Variants in DAB1 observed in about 807,000 individuals in gnomAD.
DAB1 encodes DAB adaptor protein 1.
Under a neutral mutation model 64.6 loss-of-function variants are expected in DAB1, and 15 were observed. The observed-to-expected ratio is 0.23, with a 90% confidence interval of 0.16 to 0.36. DAB1 has a LOEUF of 0.36. Among genes scored for constraint, DAB1 ranks in the 10% least tolerant of loss-of-function variants. DAB1 has a pLI of 1.00. For missense variants in DAB1, 596 were observed against 706.7 expected (o/e 0.84, Z 1.78); for synonymous variants, 235 against 251.9 (o/e 0.93, Z 0.64).
At chr1:57,689,366 G>C (rs1646736947) in intron 6 of DAB1, among the ~76,000 whole-genome samples, 1 of 152,182 alleles carries the variant, frequency 6.6e-6, no homozygotes, top group African/African-American at 2.4e-5. Flanking sequence ...TGGTAGTGAA[G>C]GTGATAATGG....
chr1:58,485,402 T>A (rs1002049917), intron 3 of DAB1, among the ~76,000 whole-genome samples: 1 of 151,996 alleles, frequency 6.6e-6, no homozygotes, highest in Non-Finnish European at 1.5e-5. Flanking sequence ...TTTGGAGATG[T>A]CTGAGCTAGG....
chr1:57,032,516 T>C (rs1646996278), intron 9 of DAB1, among the ~76,000 whole-genome samples: 1 of 152,120 alleles, frequency 6.6e-6, no homozygotes. Context: ...AGGCTTTCTG[T>C]TTTGCTTCCT....
intron 4 of DAB1, among the ~76,000 whole-genome samples, chr1:58,184,054 C>G (rs1422125987): frequency 1.3e-5 from 2 of 151,800 alleles, no homozygotes; most frequent in African/African-American, 4.8e-5. Context: ...TAACTTTCAG[C>G]TTGCCCAGCC....
chr1:57,737,488 T>A (rs890053735), intron 6 of DAB1, among the ~76,000 whole-genome samples: 2 of 152,222 alleles, frequency 1.3e-5, no homozygotes, highest in Non-Finnish European at 2.9e-5. Flanking sequence ...GGTAAAGGTA[T>A]CTACCCATAG....
At chr1:58,359,319 C>G (rs1225694110) in intron 3 of DAB1, among the ~76,000 whole-genome samples, 2 of 152,112 alleles carry the variant, frequency 1.3e-5, no homozygotes, top group African/African-American at 4.8e-5. Flanking sequence ...AATGAAAGAG[C>G]CAGGACATAA....
intron 2 of DAB1, among the ~76,000 whole-genome samples, chr1:57,270,537 C>T (rs896479720): frequency 1.3e-5 from 2 of 152,196 alleles, no homozygotes; most frequent in East Asian, 1.9e-4. Flanking sequence ...AGAAGTAAAT[C>T]GCCCATATTC....
At chr1:58,171,449 C>T (rs898018461) in intron 4 of DAB1, among the ~76,000 whole-genome samples, 26 of 152,210 alleles carry the variant, frequency 1.7e-4, no homozygotes, top group African/African-American at 9.6e-5. Flanking sequence ...TCAGTGGAGG[C>T]TAGTGCAAGA....
intron 7 of DAB1, among the ~76,000 whole-genome samples, chr1:57,431,146 A>C (rs576800504): frequency 1.8e-4 from 27 of 150,812 alleles, no homozygotes; most frequent in Admixed American, 3.3e-4. Flanking sequence ...CCAAAAACAA[A>C]AAAAAAAAAA....
Position 57,783,106 on chromosome 1 carries a change from C to CTTTTT in DAB1, n.551+100888_551+100892dup, listed in dbSNP as rs58761251. On this transcript the variant is annotated intron_variant and non_coding_transcript_variant, in intron 6 of 20. Coordinates refer to the DAB1 transcript ENST00000485760. ...TTCTTTCTCTCTCTCTCTCTCTTTT[C>CTTTTT]TTTTTTTTTTTTTTTTTTACAGGGT... Among the ~76,000 whole-genome samples, 6 of 99,890 alleles carry CTTTTT rather than the reference C, an allele frequency of 6.0e-5. 1 individual carries two copies. Among genetic ancestry groups the CTTTTT allele is most frequent in the South Asian group, 8.4e-4 (2 of 2,368 alleles). The allele number at this position is 99,890 out of a possible 152,430, so 65.5% of individuals were successfully genotyped here.
chr1:58,309,009 ATAAT>A (rs1358731628), intron 4 of DAB1, among the ~76,000 whole-genome samples: 7 of 152,346 alleles, frequency 4.6e-5, no homozygotes, highest in Admixed American at 4.6e-4. Context: ...GAGTGAATGA[ATAAT>A]TATGCAATAT....
rs1684819865 is a variant in DAB1 at position 57,420,591 on chromosome 1, C to G, written c.-137+3339G>C. Among the ~76,000 whole-genome samples, 5 of 152,340 alleles carry G rather than the reference C, an allele frequency of 3.3e-5. 1 individual carries two copies. The South Asian group carries it at 1.0e-3, about 32-fold the overall frequency. ...AAAGTCAGAAGTAGCTGGATTCAAT[C>G]CTGGTCTTCCAATTCCAAATGCCAT... On this transcript the variant is annotated intron_variant, in intron 1 of 14. Coordinates refer to ENST00000371236, the MANE Select transcript of DAB1 (RefSeq NM_001365792.1).
At chr1:58,139,696 C>T (rs1398653517) in intron 5 of DAB1, among the ~76,000 whole-genome samples, 7 of 152,136 alleles carry the variant, frequency 4.6e-5, no homozygotes, top group East Asian at 1.9e-4. Context: ...AAGTCTGATA[C>T]GAAGTCTGTG....
intron 5 of DAB1, among the ~76,000 whole-genome samples, chr1:57,937,274 C>T (rs916376789): frequency 6.6e-6 from 1 of 152,012 alleles, no homozygotes; most frequent in Admixed American, 6.6e-5. Context: ...GCTGGGGATG[C>T]AGGGTGAAGA....
intron 3 of DAB1, among the ~76,000 whole-genome samples, chr1:58,403,737 C>T (rs974401023): frequency 6.6e-6 from 1 of 152,192 alleles, no homozygotes; most frequent in East Asian, 1.9e-4. Context: ...TGGCTCTTGA[C>T]AGCTTCCCGA....
At chr1:58,349,619 C>T (rs1421567985) in intron 3 of DAB1, among the ~76,000 whole-genome samples, 1 of 152,048 alleles carries the variant, frequency 6.6e-6, no homozygotes, top group Non-Finnish European at 1.5e-5. Flanking sequence ...GACGCCCACC[C>T]CTCGACAGGC....
chr1:57,718,802 T>G (rs1647115901), intron 6 of DAB1, among the ~76,000 whole-genome samples: 1 of 152,206 alleles, frequency 6.6e-6, no homozygotes, highest in Non-Finnish European at 1.5e-5. Context: ...ATTGAAATAT[T>G]CAATCAGATA....
intron 1 of DAB1, chr1:58,538,929 C>T (rs1646560722): frequency 1.1e-6 from 1 of 872,838 alleles, no homozygotes; most frequent in South Asian, 1.3e-5. Context: ...TTAGAGGATG[C>T]AATACTGACA....
chr1:57,420,151 T>C (rs918749051), intron 1 of DAB1, among the ~76,000 whole-genome samples: 1 of 152,238 alleles, frequency 6.6e-6, no homozygotes, highest in Non-Finnish European at 1.5e-5. Context: ...ACCCATTTTG[T>C]TTGCTAGCAT....
intron 7 of DAB1, among the ~76,000 whole-genome samples, chr1:57,604,925 T>C (rs1046302901): frequency 2.6e-5 from 4 of 152,110 alleles, no homozygotes; most frequent in Non-Finnish European, 4.4e-5. Flanking sequence ...AAATATCCTA[T>C]CTCTTGTATC....
Sources: allele counts gnomAD v4.1 joint callset (sites outside exome capture counted in the v4.1 genomes callset), GRCh38; gene constraint gnomAD v4.1.1; transcripts MANE v1.5; gene names NCBI Gene and HGNC (gene_info 2026-07-23, HGNC 2026-07-21).